Variants in OS9 observed in about 807,000 individuals in gnomAD.
OS9 encodes the protein protein OS-9.
OS9 carries 58 observed loss-of-function variants against 84.7 expected under a neutral mutation model. The ratio of observed to expected loss-of-function variants is 0.68; its 90% CI spans 0.55 to 0.85. The LOEUF is 0.85. OS9 is among the 40% of genes least tolerant of loss of function. The probability of loss-of-function intolerance (pLI) is 0.00; values close to 1 mark genes in which losing one functional copy is unlikely to be tolerated. For synonymous variants in OS9, 278 were observed against 320.8 expected, an observed-to-expected ratio of 0.87 and a Z score of 1.43; for missense variants, 760 against 850.9, an observed-to-expected ratio of 0.89 and a Z score of 1.33.
intron 5 of OS9, among the ~76,000 whole-genome samples, chr12:57,704,456 G>A (rs561988980): frequency 1.3e-5 from 2 of 152,102 alleles, no homozygotes; most frequent in Non-Finnish European, 2.9e-5. Context: ...AGAATCGCTT[G>A]AACCTGGGAG....
At chr12:57,710,095 C>A (rs964852696) in intron 5 of OS9, among the ~76,000 whole-genome samples, 1 of 152,130 alleles carries the variant, frequency 6.6e-6, no homozygotes, top group Non-Finnish European at 1.5e-5. Context: ...TCAAGTGATC[C>A]GCTCACCTTG....
intron 4 of OS9, 37 bp from the exon 5 acceptor site, chr12:57,696,238 T>A (rs1953828996): frequency 6.6e-7 from 1 of 1,512,056 alleles, no homozygotes; most frequent in Non-Finnish European, 9.1e-7. Flanking sequence ...TTGCTATCTT[T>A]CTCATGTCCC....
intron 2 of OS9, 200 bp downstream of exon 2, chr12:57,695,126 G>A (rs1953787722): frequency 1.7e-6 from 1 of 590,774 alleles, no homozygotes; most frequent in Non-Finnish European, 3.0e-6. Context: ...GTAGGAGCAG[G>A]TTAGGATAGA....
chr12:57,720,001 C>T, intron 12 of OS9, 98 bp from the exon 13 acceptor site: 1 of 1,170,180 alleles, frequency 8.5e-7, no homozygotes, highest in Non-Finnish European at 1.2e-6. Flanking sequence ...GAAGAGCTGC[C>T]AAAGCCAACT....
intron 3 of OS9, 28 bp downstream of exon 3, chr12:57,695,871 C>A: frequency 6.3e-7 from 1 of 1,587,190 alleles, no homozygotes; most frequent in Non-Finnish European, 8.7e-7. Flanking sequence ...TTTCCTTAAG[C>A]CCTTAGTGTC....
chr12:57,697,862 A>ACACACAC lies in OS9; in HGVS notation c.579+1489_579+1490insCACACAC, dbSNP rs1953892746. ...ACTCCCAGGGAACCTAACATAAGCA[A>ACACACAC]ACACACACACACACACACACACACA... is the stretch of plus-strand genomic sequence containing the variant. On this transcript the variant is annotated intron_variant, in intron 5 of 14. Coordinates refer to ENST00000315970, the MANE Select transcript of OS9 (RefSeq NM_006812.4). Among the ~76,000 whole-genome samples, 30 of 116,356 alleles carry ACACACAC rather than the reference A, an allele frequency of 2.6e-4. 1 individual carries two copies. The highest frequency in any genetic ancestry group is 1.0e-3 in the African/African-American group (29 of 28,830). The allele number at this position is 116,356 out of a possible 152,430, so 76.3% of individuals were successfully genotyped here.
chr12:57,697,691 A>G (rs996910009), intron 5 of OS9, among the ~76,000 whole-genome samples: 9 of 152,140 alleles, frequency 5.9e-5, no homozygotes, highest in Non-Finnish European at 1.2e-4. Flanking sequence ...GGATAGAGAT[A>G]TAAGTACTCA....
At position 57,695,846 on chromosome 12, in the gene OS9, A is replaced by G. The variant is rs754736891; in HGVS notation, c.403+3A>G. 28 of 1,606,352 alleles carry G rather than the reference A, an allele frequency of 1.7e-5. No individual in the cohort carries two copies. In the Admixed American group the frequency reaches 2.0e-4, roughly 11 times the overall value. On this transcript the variant is annotated splice_donor_region_variant and intron_variant, in intron 3 of 14. Coordinates refer to ENST00000315970, the MANE Select transcript of OS9 (RefSeq NM_006812.4). ...CATCCAGCAATACCACATGGAAGGTAACTCACTCCTATATTTTCCTTAAGC... is the reference window on the plus strand; with the variant it reads ...CATCCAGCAATACCACATGGAAGGTGACTCACTCCTATATTTTCCTTAAGC...
chr12:57,695,693 G>A (rs978289389), intron 2 of OS9, 87 bp from the exon 3 acceptor site: 1 of 829,194 alleles, frequency 1.2e-6, no homozygotes, highest in African/African-American at 1.7e-5. Context: ...TAGATGAGAG[G>A]TTATGTGTCT....
intron 12 of OS9, chr12:57,719,479 A>G: frequency 2.7e-6 from 1 of 371,110 alleles, no homozygotes; most frequent in Non-Finnish European, 4.9e-6. Flanking sequence ...ATCAGTAGCT[A>G]GTAATTGAAT....
chr12:57,698,771 A>G (rs7979246), intron 5 of OS9, among the ~76,000 whole-genome samples: 87,686 of 152,026 alleles, frequency 0.58, 26,278 homozygotes, highest in Middle Eastern at 0.69. Flanking sequence ...GGGGATAATC[A>G]TGGGAAGAGG....
chr12:57,716,297 T>C, intron 7 of OS9, 104 bp downstream of exon 7: 6 of 846,814 alleles, frequency 7.1e-6, no homozygotes, highest in Non-Finnish European at 1.2e-5. Flanking sequence ...GGTGGAAAAG[T>C]ACCATGGGCC....
At chr12:57,702,880 A>G (rs1384811472) in intron 5 of OS9, among the ~76,000 whole-genome samples, 1 of 152,002 alleles carries the variant, frequency 6.6e-6, no homozygotes, top group Non-Finnish European at 1.5e-5. Context: ...CCATTTGTAT[A>G]TCTTTTTTGG....
At chr12:57,712,710 C>G (rs116516292) in intron 5 of OS9, among the ~76,000 whole-genome samples, 399 of 152,160 alleles carry the variant, frequency 2.6e-3, no homozygotes, top group Non-Finnish European at 4.0e-3. Flanking sequence ...CTGCCCTCCA[C>G]CCCATGGCTT....
intron 5 of OS9, among the ~76,000 whole-genome samples, chr12:57,698,194 G>C (rs1370282120): frequency 6.6e-6 from 1 of 152,174 alleles, no homozygotes; most frequent in Non-Finnish European, 1.5e-5. Context: ...TGAAATGACT[G>C]ACAAGCCAGT....
intron 9 of OS9, among the ~76,000 whole-genome samples, chr12:57,717,465 A>G (rs1207798205): frequency 1.3e-5 from 2 of 152,164 alleles, no homozygotes; most frequent in Non-Finnish European, 2.9e-5. Flanking sequence ...GGAGTTCAAG[A>G]TCATCTTGGG....
At position 57,716,506 on chromosome 12, in the gene OS9, G is replaced by A. The variant is rs756326069; in HGVS notation, c.987G>A (p.Pro329=). ...EDQAPGGEEV[P]AEEQDPSPEA... ...AGGCCCCAGGAGGGGAGGAGGTGCC[G>A]GCTGAGGTGAGACCAGCTGCCTCAG... Residue 329 remains proline (P), a synonymous_variant, in exon 8 of 15, where the codon CCG becomes CCA. Coordinates refer to ENST00000315970, the MANE Select transcript of OS9 (RefSeq NM_006812.4). 3.4e-5 allele frequency: 54 copies of A among 1,571,674 alleles called. No homozygotes were observed. The highest frequency in any genetic ancestry group is 6.7e-5 in the African/African-American group (5 of 74,132).
chr12:57,697,828 C>G (rs979853926), intron 5 of OS9, among the ~76,000 whole-genome samples: 1 of 148,960 alleles, frequency 6.7e-6, no homozygotes, highest in Non-Finnish European at 1.5e-5. Context: ...AGGTTATATT[C>G]AAGTGACAAC....
In OS9 at chr12:57,695,944, C is replaced by T. The variant is rs767464465; in HGVS notation, c.404-18C>T. On this transcript the variant is annotated intron_variant, in intron 3 of 14. Transcript: ENST00000315970. The stretch of plus-strand genomic sequence containing the variant: ...TCCTCTTAAGAGTAACAGTGCTTCA[C>T]TGTGGCTTCCCTTGCAGATTCAGAG... 2 of 1,606,494 alleles carry T rather than the reference C, an allele frequency of 1.2e-6. No homozygotes were observed. Among genetic ancestry groups the T allele is most frequent in the African/African-American group, 2.7e-5 (2 of 74,750 alleles).
Sources: allele counts gnomAD v4.1 joint callset (sites outside exome capture counted in the v4.1 genomes callset), GRCh38; gene constraint gnomAD v4.1.1; transcripts MANE v1.5; gene names NCBI Gene and HGNC (gene_info 2026-07-23, HGNC 2026-07-21).